The following PPARA variants were observed in gnomAD, a reference collection of about 807,000 sequenced individuals.
The protein encoded by PPARA is peroxisome proliferator-activated receptor alpha.
Under a neutral mutation model 42.2 loss-of-function variants are expected in PPARA, and 22 were observed. The observed-to-expected ratio is 0.52, with a 90% CI of 0.37 to 0.74. PPARA has a LOEUF of 0.74. Ranked by LOEUF, PPARA falls within the 30% of genes least tolerant of loss-of-function variation. PPARA has a pLI of 0.00. For synonymous variants in PPARA, 242 were observed against 239.3 expected (o/e 1.01, Z -0.10); for missense variants, 465 against 608.2 (o/e 0.76, Z 2.48).
chr22:46,198,589 C>G lies in PPARA; in HGVS notation c.206C>G (p.Thr69Arg). 25 of 1,611,524 alleles carry G rather than the reference C, an allele frequency of 1.6e-5. No homozygotes were observed. The highest frequency in any genetic ancestry group is 2.1e-5 in the Non-Finnish European group (25 of 1,178,636). ...SCPGSDGSVI[T>R]DTLSPASSPS... is the part of the protein sequence containing the mutation. ...CCTGGCTCAGATGGCTCGGTCATCA[C>G]GGGTAAGTGTGCCGTTTCCTAGAAA... is the stretch of plus-strand genomic sequence containing the variant. Residue 69 changes from threonine to arginine, a missense_variant and splice_region_variant, in exon 4 of 9, where the codon ACG (threonine) becomes AGG (arginine). Transcript: ENST00000407236.
At chr22:46,208,016 G>A (rs1027128504) in intron 4 of PPARA, among the ~76,000 whole-genome samples, 16 of 151,906 alleles carry the variant, frequency 1.1e-4, no homozygotes, top group Middle Eastern at 3.2e-3. Flanking sequence ...GGCTTGCATC[G>A]TTTCTAAAAG....
In PPARA at chr22:46,234,092, G is replaced by C. The variant is rs1348636759; in HGVS notation, c.1160-1041G>C. On this transcript the variant is annotated intron_variant, in intron 8 of 8. Coordinates refer to ENST00000407236, the MANE Select transcript of PPARA (RefSeq NM_005036.6). This position sits in a 1 kb window ranked among gnomAD's most constrained non-coding sequence, Gnocchi z 5.8. ...ACCCACCTCGGCCTCCCAAAGTGCT[G>C]GGATTACAGGCATGAGCCACTGCAC... 6.6e-6 allele frequency among the ~76,000 whole-genome samples: 1 copy of C among 152,082 alleles called. No individual in the cohort carries two copies. Among genetic ancestry groups the C allele is most frequent in the African/African-American group, 2.4e-5 (1 of 41,432 alleles).
chr22:46,151,027 C>T (rs369900356), intron 1 of PPARA: 2 of 152,172 alleles, frequency 1.3e-5, no homozygotes, highest in Non-Finnish European at 2.9e-5. Flanking sequence ...GGGTTGTCCC[C>T]TCGGAGGGAG....
In PPARA at chr22:46,211,323, G is replaced by A. The variant is rs1312661677; in HGVS notation, c.209-3850G>A. ...TCCTTGAGTTCATGGTTCATTTTCAGTATACCTGCACAGTGGTATCAGAAC... is the reference window on the plus strand; with the variant it reads ...TCCTTGAGTTCATGGTTCATTTTCAATATACCTGCACAGTGGTATCAGAAC... On this transcript the variant is annotated intron_variant, in intron 4 of 8. Coordinates refer to ENST00000407236, the MANE Select transcript of PPARA (RefSeq NM_005036.6). The surrounding 1 kb of genome is among the most constrained non-coding windows in gnomAD (Gnocchi z 4.1). 6.6e-6 allele frequency among the ~76,000 whole-genome samples: 1 copy of A among 152,022 alleles called. No individual in the cohort carries two copies. The highest frequency in any genetic ancestry group is 1.5e-5 in the Non-Finnish European group (1 of 68,016).
At chr22:46,202,475 G>C (rs531040303) in intron 4 of PPARA, among the ~76,000 whole-genome samples, 1 of 151,734 alleles carries the variant, frequency 6.6e-6, no homozygotes, top group Non-Finnish European at 1.5e-5. Context: ...CGGTGGTCAC[G>C]TGTGTAATCC....
intron 4 of PPARA, among the ~76,000 whole-genome samples, chr22:46,208,194 G>A (rs914386624): frequency 6.6e-6 from 1 of 152,126 alleles, no homozygotes; most frequent in African/African-American, 2.4e-5. Context: ...ATTGTGGAAT[G>A]TGTAAATCAA....
chr22:46,225,325 CAG>C lies in PPARA; in HGVS notation c.711+5312_711+5313del, dbSNP rs1935332777. Among the ~76,000 whole-genome samples, 1 of 152,042 alleles carries C rather than the reference CAG, an allele frequency of 6.6e-6. No homozygotes were observed. The highest frequency in any genetic ancestry group is 2.1e-4 in the South Asian group (1 of 4,826). Reference sequence around the variant, plus strand: ...AGGGTAACAGGGATGGAAGCAGAGTCAGGGGGCTGAGGGAGGCAATAAAAATG... The same window carrying C: ...AGGGTAACAGGGATGGAAGCAGAGTCGGGGCTGAGGGAGGCAATAAAAATG... On this transcript the variant is annotated intron_variant, in intron 7 of 8. Transcript: ENST00000407236. This position sits in a 1 kb window ranked among gnomAD's most constrained non-coding sequence, Gnocchi z 4.1.
intron 7 of PPARA, among the ~76,000 whole-genome samples, chr22:46,229,444 T>C (rs1935715342): frequency 1.3e-5 from 2 of 151,790 alleles, no homozygotes; most frequent in South Asian, 4.2e-4. Flanking sequence ...TCCCAGCTAC[T>C]CGGGAGGCTG....
intron 2 of PPARA, among the ~76,000 whole-genome samples, chr22:46,152,773 C>CA (rs1406957288): frequency 2.0e-4 from 30 of 152,158 alleles, no homozygotes; most frequent in Admixed American, 1.8e-3. Flanking sequence ...ATGACCTCTG[C>CA]AACTCTGAAG....
At chr22:46,210,674 C>T (rs1200541310) in intron 4 of PPARA, among the ~76,000 whole-genome samples, 3 of 152,086 alleles carry the variant, frequency 2.0e-5, no homozygotes, top group Non-Finnish European at 2.9e-5. Flanking sequence ...GAACTCTTGA[C>T]CTCAAGTGAT....
intron 4 of PPARA, 67 bp downstream of exon 4, chr22:46,198,658 CT>C (rs777398787): frequency 0.15 from 118,575 of 805,952 alleles, no homozygotes; most frequent in East Asian, 0.17. Flanking sequence ...ACTGTTCTCT[CT>C]TTTTTTTTTT....
In PPARA at chr22:46,240,287, A is replaced by C. The variant is rs1343337055; in HGVS notation, c.*4907A>C. ...TCAGCCTCCATTTTAAAATGAAAAC[A>C]CCAGCCTCCAGATGTAGGGCCTGCT... is the stretch of plus-strand genomic sequence containing the variant. On this transcript the variant is annotated 3_prime_UTR_variant, in exon 9 of 9. Transcript: ENST00000407236. The surrounding 1 kb of genome is among the most constrained non-coding windows in gnomAD (Gnocchi z 6.0). 5.0e-6 allele frequency: 2 copies of C among 398,484 alleles called. No homozygotes were observed. The highest frequency in any genetic ancestry group is 8.8e-6 in the Non-Finnish European group (2 of 226,074). The allele number at this position is 398,484 out of a possible 1,614,324, so 24.7% of individuals were successfully genotyped here.
intron 2 of PPARA, among the ~76,000 whole-genome samples, chr22:46,154,438 C>T (rs573372703): frequency 2.0e-5 from 3 of 152,028 alleles, no homozygotes; most frequent in Non-Finnish European, 4.4e-5. Flanking sequence ...GGCAACCTGG[C>T]GAAACCCTGC....
At position 46,224,521 on chromosome 22, in the gene PPARA, G is replaced by A. The variant is rs543525972; in HGVS notation, c.711+4507G>A. On this transcript the variant is annotated intron_variant, in intron 7 of 8. Coordinates refer to ENST00000407236, the MANE Select transcript of PPARA (RefSeq NM_005036.6). The surrounding 1 kb of genome is among the most constrained non-coding windows in gnomAD (Gnocchi z 5.7). ...GATCTCTGCCCAGTGGCCCACATGC[G>A]GTCGCCGTTTCATCAGTTTCCAGCC... 1.6e-4 allele frequency among the ~76,000 whole-genome samples: 25 copies of A among 152,246 alleles called. No individual in the cohort carries two copies. Among genetic ancestry groups the A allele is most frequent in the African/African-American group, 4.3e-4 (18 of 41,552 alleles).
intron 6 of PPARA, among the ~76,000 whole-genome samples, chr22:46,218,845 AAAAAG>A (rs1479440036): frequency 3.6e-5 from 5 of 140,786 alleles, no homozygotes; most frequent in African/African-American, 1.5e-4. Flanking sequence ...CAAAAAAAAA[AAAAAG>A]AAAAAGAAAG....
chr22:46,188,657 T>C lies in PPARA; in HGVS notation c.-42-9685T>C, dbSNP rs1275205791. 1.3e-5 allele frequency: 2 copies of C among 152,228 alleles called. No homozygotes were observed. The highest frequency in any genetic ancestry group is 1.5e-5 in the Non-Finnish European group (1 of 68,056). The allele number at this position is 152,228 out of a possible 1,614,324, so 9.4% of individuals were successfully genotyped here. A position where few individuals can be genotyped will look rare whatever the true frequency, so the allele number is the denominator to read the frequency against. Reference sequence around the variant, plus strand: ...AGAAAAAAAATACATGCAGCTGCCATTGAGGGCCTGGCCCACGTGTGATGT... The same window carrying C: ...AGAAAAAAAATACATGCAGCTGCCACTGAGGGCCTGGCCCACGTGTGATGT... On this transcript the variant is annotated intron_variant, in intron 3 of 8. Transcript: ENST00000407236. The surrounding 1 kb of genome is among the most constrained non-coding windows in gnomAD (Gnocchi z 5.0).
intron 2 of PPARA, among the ~76,000 whole-genome samples, chr22:46,170,656 T>C (rs1050480015): frequency 6.6e-6 from 1 of 151,670 alleles, no homozygotes; most frequent in African/African-American, 2.4e-5. Context: ...GAGAGGAAGA[T>C]GACAGACAAG....
intron 2 of PPARA, chr22:46,164,371 G>C (rs184317790): frequency 6.6e-6 from 1 of 151,752 alleles, no homozygotes; most frequent in Non-Finnish European, 1.5e-5. Context: ...TACTGCCTCA[G>C]CCTCCTGAGT....
intron 4 of PPARA, among the ~76,000 whole-genome samples, chr22:46,213,372 C>G (rs1934119082): frequency 2.6e-5 from 4 of 151,448 alleles, no homozygotes; most frequent in South Asian, 4.2e-4. Context: ...AGTGACTGTT[C>G]AGATGTTCAG....
Sources: gnomAD v4.1 joint callset for allele counts (sites outside exome capture counted in the v4.1 genomes callset) on GRCh38, gnomAD v4.1.1 for gene constraint, Gnocchi (gnomAD v3.1) non-coding constraint, MANE v1.5 for transcripts, NCBI Gene and HGNC (gene_info 2026-07-23, HGNC 2026-07-21) for gene names.